The following NPC2 variants were observed in gnomAD, a reference collection of about 807,000 sequenced individuals.
NPC2 encodes Niemann-Pick disease type C2 protein.
Under a neutral mutation model 17.0 loss-of-function variants are expected in NPC2, and 14 were observed. That is an observed-to-expected ratio of 0.82 (90% CI 0.54 to 1.29). The LOEUF is 1.29. Among genes scored for constraint, NPC2 ranks in the 50% most tolerant of loss-of-function variants. The pLI, the probability that NPC2 is intolerant of heterozygous loss-of-function variation, is 0.00. For missense variants in NPC2, 167 were observed against 183.4 expected, an observed-to-expected ratio of 0.91 and a Z score of 0.52; for synonymous variants, 75 against 69.3, an observed-to-expected ratio of 1.08 and a Z score of -0.41.
At position 74,493,094 on chromosome 14, in the gene NPC2, C is replaced by G; in HGVS notation, c.82+99G>C. On this transcript the variant is annotated intron_variant, in intron 1 of 4. Transcript: ENST00000555619. The surrounding 1 kb of genome is among the most constrained non-coding windows in gnomAD (Gnocchi z 4.1). ...GGGTCCAAGGCTCAGCCTGGCCGCC[C>G]GAGGGATCCGCCCAGCCCAGCCCCA... 1 of 1,465,214 alleles carries G rather than the reference C, an allele frequency of 6.8e-7. No individual in the cohort carries two copies. Among genetic ancestry groups the G allele is most frequent in the Non-Finnish European group, 9.3e-7 (1 of 1,079,688 alleles). 90.8% of individuals were successfully genotyped at this position (1,465,214 alleles called of 1,614,324 possible).
chr14:74,484,496 C>G lies in NPC2; in HGVS notation c.282G>C (p.Lys94Asn). The G allele has an allele frequency of 6.2e-7, 1 of 1,614,106 alleles. No homozygotes were observed. The highest frequency in any genetic ancestry group is 8.5e-7 in the Non-Finnish European group (1 of 1,180,024). Residue 94 changes from lysine to asparagine, a missense_variant, in exon 3 of 5, where the codon AAG becomes AAC. Lys to Asn is a moderately conservative substitution (Grantham distance 94, BLOSUM62 0). Coordinates refer to ENST00000555619, the MANE Select transcript of NPC2 (RefSeq NM_006432.5). ...TTTGGATAGGGCAGTTAATTCCACT[C>G]TTACAACCATCAGGCTCAGGAATGG... ...PFPIPEPDGC[K>N]SGINCPIQKD... is the part of the protein sequence containing the mutation.
In NPC2 at chr14:74,486,333, G is replaced by A; in HGVS notation, c.186C>T (p.Thr62=). 2 of 1,592,906 alleles carry A rather than the reference G, an allele frequency of 1.3e-6. No homozygotes were observed. Among genetic ancestry groups the A allele is most frequent in the South Asian group, 1.1e-5 (1 of 87,442 alleles). Reference sequence around the variant, plus strand: ...TTAAGAGCCACTTTTACGCACTGCTGGTGAAGGTGACATTGACGCTGTAAG... The same window carrying A: ...TTAAGAGCCACTTTTACGCACTGCTAGTGAAGGTGACATTGACGCTGTAAG... ...GQSYSVNVTF[T]SNIQSKSSKA... The change falls in exon 2 of 5, where the codon ACC becomes ACT. Residue 62 remains threonine (T), a synonymous_variant. Transcript: ENST00000555619.
intron 3 of NPC2, 83 bp downstream of exon 3, chr14:74,484,332 C>A: frequency 7.1e-7 from 1 of 1,415,770 alleles, no homozygotes; most frequent in South Asian, 1.2e-5. Flanking sequence ...CCCTTTACCC[C>A]CATCTCTGCT....
At chr14:74,484,046 T>G (rs1183943493) in intron 3 of NPC2, among the ~76,000 whole-genome samples, 2 of 152,240 alleles carry the variant, frequency 1.3e-5, no homozygotes, top group African/African-American at 4.8e-5. Flanking sequence ...CTGGGGTAAC[T>G]GATTTCTACG....
Position 74,486,042 on chromosome 14 carries a change from T to C in NPC2, c.190+287A>G, listed in dbSNP as rs2086709273. On this transcript the variant is annotated intron_variant, in intron 2 of 4. Coordinates refer to ENST00000555619, the MANE Select transcript of NPC2 (RefSeq NM_006432.5). ...CTAAACAGAGCTGACATTCCCATCA[T>C]AGCCTACTATGCAATATGGGTCAAG... Among the ~76,000 whole-genome samples the C allele has an allele frequency of 2.0e-5, 3 of 152,210 alleles. No homozygotes were observed. In the South Asian group the frequency reaches 6.2e-4, roughly 31 times the overall value.
At chr14:74,483,558 T>C in intron 3 of NPC2, 2 of 1,394,852 alleles carry the variant, frequency 1.4e-6, no homozygotes, top group East Asian at 2.4e-5. Context: ...TGAAGAACTA[T>C]TGCCTAATTG....
intron 1 of NPC2, among the ~76,000 whole-genome samples, chr14:74,491,944 T>C (rs989231245): frequency 4.6e-5 from 7 of 152,348 alleles, no homozygotes; most frequent in Admixed American, 2.6e-4. Flanking sequence ...ACGCCGCCTC[T>C]GGCTGTAAGA....
chr14:74,484,345 T>C, intron 3 of NPC2, 70 bp downstream of exon 3: 1 of 1,536,854 alleles, frequency 6.5e-7, no homozygotes, highest in Non-Finnish European at 9.0e-7. Context: ...TCTCTGCTTC[T>C]TGCCCACTGC....
intron 4 of NPC2, 44 bp from the exon 5 acceptor site, chr14:74,480,332 T>C (rs1566600936): frequency 2.0e-6 from 3 of 1,518,938 alleles, no homozygotes; most frequent in East Asian, 2.3e-5. Context: ...GTTTGGAACC[T>C]TTCCTCCACT....
At chr14:74,484,660 A>C (rs2086690574) in intron 2 of NPC2, 73 bp from the exon 3 acceptor site, 1 of 1,539,064 alleles carries the variant, frequency 6.5e-7, no homozygotes, top group African/African-American at 1.4e-5. Flanking sequence ...AAATTCAGAA[A>C]TAATCCCAAG....
In NPC2 at chr14:74,487,263, G is replaced by GTTTTTTTTTTTT. The variant is rs1208707592; in HGVS notation, c.83-828_83-827insAAAAAAAAAAAA. On this transcript the variant is annotated intron_variant, in intron 1 of 4. Coordinates refer to ENST00000555619, the MANE Select transcript of NPC2 (RefSeq NM_006432.5). The stretch of plus-strand genomic sequence containing the variant: ...TGCACCCTCCCTGTTTTGTTTTTGT[G>GTTTTTTTTTTTT]GTTTTTTTTTGTTTTTTTTTTTTGA... Among the ~76,000 whole-genome samples, 95 of 134,978 alleles carry GTTTTTTTTTTTT rather than the reference G, an allele frequency of 7.0e-4. 1 individual carries two copies. The highest frequency in any genetic ancestry group is 1.1e-3 in the East Asian group (5 of 4,756). The allele number at this position is 134,978 out of a possible 152,430, so 88.6% of individuals were successfully genotyped here. A position where few individuals can be genotyped will look rare whatever the true frequency, so the allele number is the denominator to read the frequency against.
At chr14:74,486,595 A>C (rs1454572093) in intron 1 of NPC2, among the ~76,000 whole-genome samples, 159 bp from the exon 2 acceptor site, 1 of 152,210 alleles carries the variant, frequency 6.6e-6, no homozygotes, top group African/African-American at 2.4e-5. Context: ...ATAATGCCCA[A>C]TTAGAAGTCA....
At chr14:74,481,469 T>C (rs2086655489) in intron 3 of NPC2, among the ~76,000 whole-genome samples, 2 of 152,208 alleles carry the variant, frequency 1.3e-5, no homozygotes, top group African/African-American at 2.4e-5. Context: ...ACAAGGCAAA[T>C]GGACTAACAC....
chr14:74,491,045 C>G (rs1022198351), intron 1 of NPC2, among the ~76,000 whole-genome samples: 5 of 152,102 alleles, frequency 3.3e-5, no homozygotes, highest in Admixed American at 1.3e-4. Context: ...ATCTGTAAGA[C>G]AGCTTGTGAG....
In NPC2 at chr14:74,486,342, G is replaced by A. The variant is rs2086712180; in HGVS notation, c.177C>T (p.Val59=). The A allele has an allele frequency of 5.6e-6, 9 of 1,598,268 alleles. No individual in the cohort carries two copies. The highest frequency in any genetic ancestry group is 7.7e-6 in the Non-Finnish European group (9 of 1,171,962). The change falls in exon 2 of 5, where the codon GTC becomes GTT. Residue 59 remains valine (V), a synonymous_variant. Coordinates refer to ENST00000555619, the MANE Select transcript of NPC2 (RefSeq NM_006432.5). ...LSKGQSYSVN[V]TFTSNIQSKS... ...ACTTTTACGCACTGCTGGTGAAGGT[G>A]ACATTGACGCTGTAAGACTGTCCTT...
At chr14:74,483,963 A>G (rs1385451089) in intron 3 of NPC2, among the ~76,000 whole-genome samples, 2 of 152,316 alleles carry the variant, frequency 1.3e-5, no homozygotes, top group East Asian at 1.9e-4. Flanking sequence ...ATTATGGAAT[A>G]TCCTCTGTCA....
intron 1 of NPC2, among the ~76,000 whole-genome samples, chr14:74,491,838 C>T (rs888143517): frequency 6.6e-6 from 1 of 152,090 alleles, no homozygotes; most frequent in Non-Finnish European, 1.5e-5. Flanking sequence ...AACTCTGAAA[C>T]GAAATGGATA....
At chr14:74,486,840 A>G (rs1226428850) in intron 1 of NPC2, among the ~76,000 whole-genome samples, 1 of 152,244 alleles carries the variant, frequency 6.6e-6, no homozygotes, top group Non-Finnish European at 1.5e-5. Flanking sequence ...TTAAACCTTG[A>G]AGACGTTTGC....
upstream of NPC2, chr14:74,493,484 T>TC (rs2086801948): frequency 1.7e-6 from 2 of 1,190,406 alleles, no homozygotes; most frequent in Non-Finnish European, 1.2e-6. The surrounding 1 kb of genome is among the most constrained non-coding windows in gnomAD (Gnocchi z 4.1). Context: ...GCCCATGCCA[T>TC]CCCCTCAGAG....
Sources: gnomAD v4.1 joint callset for allele counts (sites outside exome capture counted in the v4.1 genomes callset) on GRCh38, gnomAD v4.1.1 for gene constraint, Gnocchi (gnomAD v3.1) non-coding constraint, MANE v1.5 for transcripts, NCBI Gene and HGNC (gene_info 2026-07-23, HGNC 2026-07-21) for gene names.